The following SLCO3A1 variants were observed in gnomAD, a reference collection of about 807,000 sequenced individuals.
SLCO3A1 encodes the protein PGE1 transporter.
In SLCO3A1, 27 loss-of-function variants were observed where a neutral mutation model predicts 63.1. The ratio of observed to expected loss-of-function variants is 0.43; its 90% CI spans 0.32 to 0.59. SLCO3A1 has a LOEUF of 0.59. Among genes scored for constraint, SLCO3A1 ranks in the 20% least tolerant of loss-of-function variants. The probability of loss-of-function intolerance (pLI) is 0.09; values close to 1 mark genes in which losing one functional copy is unlikely to be tolerated. For synonymous variants in SLCO3A1, 473 were observed against 409.9 expected (o/e 1.15, Z -1.86); for missense variants, 773 against 945.8 (o/e 0.82, Z 2.40).
At chr15:91,933,307 T>A (rs991404873) in intron 2 of SLCO3A1, among the ~76,000 whole-genome samples, 1 of 152,230 alleles carries the variant, frequency 6.6e-6, no homozygotes, top group Non-Finnish European at 1.5e-5. Context: ...TTACAGGGCT[T>A]CAAACTCAAA....
chr15:91,979,903 C>G (rs1468601553), intron 2 of SLCO3A1, among the ~76,000 whole-genome samples: 2 of 152,180 alleles, frequency 1.3e-5, no homozygotes, highest in Admixed American at 6.5e-5. Flanking sequence ...ATCAGCTCTA[C>G]CCACATTTGC....
At chr15:92,014,475 C>T (rs936571370) in intron 2 of SLCO3A1, among the ~76,000 whole-genome samples, 1 of 152,128 alleles carries the variant, frequency 6.6e-6, no homozygotes, top group Non-Finnish European at 1.5e-5. Context: ...GGGCACCAAA[C>T]TATACTTGCC....
intron 2 of SLCO3A1, 95 bp from the exon 3 acceptor site, chr15:92,094,786 C>G: frequency 1.3e-6 from 1 of 765,606 alleles, no homozygotes; most frequent in Non-Finnish European, 2.3e-6. Context: ...GTCATCTCAT[C>G]TCATCAATGT....
chr15:91,996,546 A>G (rs2046194359), intron 2 of SLCO3A1, among the ~76,000 whole-genome samples: 1 of 152,108 alleles, frequency 6.6e-6, no homozygotes, highest in Non-Finnish European at 1.5e-5. Flanking sequence ...AATTAACATA[A>G]TTTCGTGTAA....
chr15:92,163,551 A>C lies in SLCO3A1; in HGVS notation c.*416A>C, dbSNP rs1596161791. Reference sequence around the variant, plus strand: ...TTAAAAGAAGTTTCCTAAAATAAAAAAAATTAAAAAAAAAAAACCCACAAG... The same window carrying C: ...TTAAAAGAAGTTTCCTAAAATAAAACAAATTAAAAAAAAAAAACCCACAAG... On this transcript the variant is annotated 3_prime_UTR_variant, in exon 10 of 10. Transcript: ENST00000318445. 1 of 909,016 alleles carries C rather than the reference A, an allele frequency of 1.1e-6. No homozygotes were observed. Among genetic ancestry groups the C allele is most frequent in the Admixed American group, 1.1e-4 (1 of 8,750 alleles). 56.3% of individuals were successfully genotyped at this position (909,016 alleles called of 1,614,324 possible).
At chr15:92,064,622 C>T (rs2047126853) in intron 2 of SLCO3A1, among the ~76,000 whole-genome samples, 1 of 152,250 alleles carries the variant, frequency 6.6e-6, no homozygotes, top group African/African-American at 2.4e-5. Flanking sequence ...ATGAAATCAA[C>T]ATTAGTACCC....
intron 2 of SLCO3A1, among the ~76,000 whole-genome samples, chr15:91,995,826 CAAG>C (rs1038098367): frequency 4.7e-5 from 6 of 128,222 alleles, no homozygotes; most frequent in African/African-American, 2.9e-5. Context: ...TGATTAAAAA[CAAG>C]AAAATATTAC....
chr15:92,163,497 A>G lies in SLCO3A1; in HGVS notation c.*362A>G, dbSNP rs1440902117. 1 of 1,008,124 alleles carries G rather than the reference A, an allele frequency of 9.9e-7. No homozygotes were observed. The highest frequency in any genetic ancestry group is 1.7e-5 in the African/African-American group (1 of 58,072). 62.4% of individuals were successfully genotyped at this position (1,008,124 alleles called of 1,614,324 possible). A position where few individuals can be genotyped will look rare whatever the true frequency, so the allele number is the denominator to read the frequency against. On this transcript the variant is annotated 3_prime_UTR_variant, in exon 10 of 10. Transcript: ENST00000318445. ...TTGGAGGATGGACATTTCTGGATAC[A>G]CATACACATACAAAACAGAAAACAT...
intron 8 of SLCO3A1, chr15:92,149,799 A>G (rs1217197305): frequency 6.6e-6 from 1 of 152,218 alleles, no homozygotes; most frequent in Non-Finnish European, 1.5e-5. Context: ...AGGAAATCAA[A>G]TTTCAGGTGA....
intron 2 of SLCO3A1, among the ~76,000 whole-genome samples, chr15:92,089,157 C>T (rs2151531396): frequency 6.6e-6 from 1 of 152,084 alleles, no homozygotes; most frequent in East Asian, 1.9e-4. Flanking sequence ...TCCTGAGTAG[C>T]TGTTGACTAC....
chr15:91,891,733 C>T (rs574519129), intron 1 of SLCO3A1, among the ~76,000 whole-genome samples: 78 of 152,320 alleles, frequency 5.1e-4, no homozygotes, highest in African/African-American at 1.8e-3. Flanking sequence ...TCACAGTGTT[C>T]GTGCCCTTAA....
At chr15:92,068,179 G>T (rs373890706) in intron 2 of SLCO3A1, among the ~76,000 whole-genome samples, 4 of 152,204 alleles carry the variant, frequency 2.6e-5, no homozygotes, top group Non-Finnish European at 5.9e-5. Context: ...TGGTGCAGGC[G>T]TGATAGAGCG....
At chr15:91,909,324 A>G (rs1225586583) in intron 1 of SLCO3A1, among the ~76,000 whole-genome samples, 1 of 152,186 alleles carries the variant, frequency 6.6e-6, no homozygotes, top group East Asian at 1.9e-4. Flanking sequence ...AAACACAGCC[A>G]TTTCCATTTG....
intron 2 of SLCO3A1, among the ~76,000 whole-genome samples, chr15:92,025,938 A>C (rs1214184108): frequency 6.6e-6 from 1 of 152,180 alleles, no homozygotes; most frequent in Non-Finnish European, 1.5e-5. Context: ...TTACCTTGTA[A>C]AGACATTTTA....
rs4932583 is a variant in SLCO3A1, at chr15:91,885,859, A to G, written c.181-30134A>G. 0.56 allele frequency among the ~76,000 whole-genome samples: 85,318 copies of G among 152,116 alleles called. 26,724 individuals carry two copies. Among genetic ancestry groups the G allele is most frequent in the East Asian group, 0.85 (4,375 of 5,158 alleles). On this transcript the variant is annotated intron_variant, in intron 1 of 9. Coordinates refer to ENST00000318445, the MANE Select transcript of SLCO3A1 (RefSeq NM_013272.4). This position sits in a 1 kb window ranked among gnomAD's most constrained non-coding sequence, Gnocchi z 4.7. Reference sequence around the variant, plus strand: ...AAGAAGTGTGAGATCAAATTATATAACTATTTGGAGCAAGAATGTTTCAGG... The same window carrying G: ...AAGAAGTGTGAGATCAAATTATATAGCTATTTGGAGCAAGAATGTTTCAGG...
intron 9 of SLCO3A1, among the ~76,000 whole-genome samples, chr15:92,159,758 G>A (rs1344417871): frequency 6.6e-6 from 1 of 151,998 alleles, no homozygotes; most frequent in African/African-American, 2.4e-5. Context: ...CAATAGGCAA[G>A]ATATAATTGG....
intron 2 of SLCO3A1, among the ~76,000 whole-genome samples, chr15:92,089,809 G>A (rs2047449832): frequency 6.6e-6 from 1 of 152,164 alleles, no homozygotes; most frequent in South Asian, 2.1e-4. Flanking sequence ...AGACTAATCT[G>A]TCATGGGCAG....
intron 7 of SLCO3A1, among the ~76,000 whole-genome samples, chr15:92,133,809 A>G (rs1268074362): frequency 9.0e-6 from 1 of 111,386 alleles, no homozygotes; most frequent in Non-Finnish European, 2.2e-5. Flanking sequence ...ATAGAAATAA[A>G]GCGCATGATA....
chr15:92,072,217 C>T (rs4033121), intron 2 of SLCO3A1, among the ~76,000 whole-genome samples: 4,124 of 135,318 alleles, frequency 0.03, 184 homozygotes, highest in African/African-American at 0.11. Flanking sequence ...TTTTTTTTTT[C>T]CTCACTGGCT....
Sources: gnomAD v4.1 joint callset for allele counts (sites outside exome capture counted in the v4.1 genomes callset) on GRCh38, gnomAD v4.1.1 for gene constraint, Gnocchi (gnomAD v3.1) non-coding constraint, MANE v1.5 for transcripts, NCBI Gene and HGNC (gene_info 2026-07-23, HGNC 2026-07-21) for gene names.